The following PDE4B variants were observed in gnomAD, a reference collection of about 807,000 sequenced individuals.
PDE4B encodes the protein phosphodiesterase 4B.
Under a neutral mutation model 82.2 loss-of-function variants are expected in PDE4B, and 20 were observed. That is an observed-to-expected ratio of 0.24 (90% confidence interval 0.17 to 0.35). The LOEUF (loss-of-function observed/expected upper bound fraction) is 0.35, where lower values mean the gene tolerates loss of function less well. PDE4B is among the 10% of genes least tolerant of loss of function. PDE4B has a pLI of 1.00. For missense variants in PDE4B, 655 were observed against 907.2 expected, an observed-to-expected ratio of 0.72 and a Z score of 3.57; for synonymous variants, 320 against 318.9, an observed-to-expected ratio of 1.00 and a Z score of -0.04.
intron 3 of PDE4B, among the ~76,000 whole-genome samples, chr1:66,071,021 A>T (rs1441717692): frequency 6.6e-6 from 1 of 152,046 alleles, no homozygotes; most frequent in Admixed American, 6.6e-5. Flanking sequence ...CTCTTTCTTC[A>T]GAGTAAATTA....
chr1:66,144,671 C>T (rs1358518612), intron 3 of PDE4B, among the ~76,000 whole-genome samples: 1 of 152,070 alleles, frequency 6.6e-6, no homozygotes, highest in African/African-American at 2.4e-5. Context: ...GCAATTATTC[C>T]AAAAATCTGA....
chr1:65,939,811 C>T (rs1648346641), intron 3 of PDE4B, among the ~76,000 whole-genome samples: 1 of 152,098 alleles, frequency 6.6e-6, no homozygotes, highest in South Asian at 2.1e-4. Flanking sequence ...CAAGAAAGAT[C>T]CACTTACGCA....
At chr1:65,807,219 C>T (rs568106139) in intron 1 of PDE4B, among the ~76,000 whole-genome samples, 1 of 152,274 alleles carries the variant, frequency 6.6e-6, no homozygotes, top group Admixed American at 6.5e-5. Context: ...TGTCTAGAAG[C>T]AGTGGGAAAC....
At chr1:66,281,461 G>C (rs1046543413) in intron 7 of PDE4B, among the ~76,000 whole-genome samples, 1 of 152,204 alleles carries the variant, frequency 6.6e-6, no homozygotes, top group Non-Finnish European at 1.5e-5. Flanking sequence ...TCTGGGAGGT[G>C]ATTTGTTCTG....
chr1:66,028,244 G>T (rs756634680), intron 3 of PDE4B, among the ~76,000 whole-genome samples: 4 of 152,166 alleles, frequency 2.6e-5, no homozygotes, highest in Non-Finnish European at 5.9e-5. Flanking sequence ...CAAAGCTTGG[G>T]GATTCCACCC....
intron 1 of PDE4B, among the ~76,000 whole-genome samples, chr1:65,803,715 A>G (rs561211376): frequency 3.3e-5 from 5 of 152,222 alleles, no homozygotes; most frequent in African/African-American, 4.8e-5. Context: ...TCTTAAATCT[A>G]GAATGGAACT....
chr1:66,099,160 C>A (rs1344462224), intron 3 of PDE4B, among the ~76,000 whole-genome samples: 1 of 150,456 alleles, frequency 6.6e-6, no homozygotes, highest in Non-Finnish European at 1.5e-5. Context: ...TGTTCCCCCG[C>A]CCCCGTGTCC....
chr1:66,270,240 C>G (rs12031294), intron 7 of PDE4B, among the ~76,000 whole-genome samples: 4,839 of 152,268 alleles, frequency 0.032, 205 homozygotes, highest in East Asian at 0.23. Context: ...TCGTATGAGA[C>G]ATTTCTTTTA....
intron 3 of PDE4B, among the ~76,000 whole-genome samples, chr1:66,125,019 A>T (rs1380034352): frequency 6.7e-6 from 1 of 150,186 alleles, no homozygotes; most frequent in Non-Finnish European, 1.5e-5. Flanking sequence ...GACTCTGGTC[A>T]TCTGTGTGCT....
chr1:66,254,737 A>G (rs1654058798), intron 4 of PDE4B, among the ~76,000 whole-genome samples: 1 of 152,186 alleles, frequency 6.6e-6, no homozygotes, highest in Non-Finnish European at 1.5e-5. Flanking sequence ...ATTGAAAATT[A>G]TATTTCTTTA....
chr1:66,129,647 G>C lies in PDE4B; in HGVS notation c.282-117813G>C, dbSNP rs1482581030. On this transcript the variant is annotated intron_variant, in intron 3 of 16. Transcript: ENST00000341517. ...TGCACTCCAGCCTGGGCGACAGAGC[G>C]AGACTCCGTCTCAAAAAAAAAAAAA... is the stretch of plus-strand genomic sequence containing the variant. 5.6e-5 allele frequency among the ~76,000 whole-genome samples: 7 copies of C among 124,412 alleles called. No individual in the cohort carries two copies. In the Admixed American group the frequency reaches 6.3e-4, roughly 11 times the overall value. The allele number at this position is 124,412 out of a possible 152,430, so 81.6% of individuals were successfully genotyped here.
intron 7 of PDE4B, among the ~76,000 whole-genome samples, chr1:66,270,261 A>G (rs1027084645): frequency 2.6e-5 from 4 of 152,236 alleles, no homozygotes; most frequent in Admixed American, 2.0e-4. Context: ...ATATGTGTCT[A>G]GGCCATTCTG....
chr1:66,071,710 C>A (rs574481965), intron 3 of PDE4B, among the ~76,000 whole-genome samples: 1 of 152,086 alleles, frequency 6.6e-6, no homozygotes, highest in Non-Finnish European at 1.5e-5. Context: ...CTCCTGTGGA[C>A]AGCTTCCCTG....
At chr1:66,152,581 CAT>C (rs147320960) in intron 3 of PDE4B, 19,539 of 238,658 alleles carry the variant, frequency 0.082, 2,280 homozygotes, top group African/African-American at 0.3. Flanking sequence ...TAAGTGTGTG[CAT>C]ATATATGTGT....
intron 3 of PDE4B, among the ~76,000 whole-genome samples, chr1:66,212,455 GT>G (rs1417104261): frequency 1.3e-5 from 2 of 151,912 alleles, no homozygotes; most frequent in Non-Finnish European, 2.9e-5. Context: ...CTCTTCTAGC[GT>G]TTGCTTGAAT....
At chr1:65,849,710 GAA>G (rs141384108) in intron 1 of PDE4B, among the ~76,000 whole-genome samples, 2 of 151,392 alleles carry the variant, frequency 1.3e-5, no homozygotes, top group Admixed American at 1.3e-4. Context: ...TGCAGAAAAA[GAA>G]AAAAAACAAC....
chr1:65,806,990 T>C (rs1359630555), intron 1 of PDE4B, among the ~76,000 whole-genome samples: 1 of 152,264 alleles, frequency 6.6e-6, no homozygotes, highest in Non-Finnish European at 1.5e-5. Context: ...CATATTGTTC[T>C]GTGTATAGTT....
chr1:66,095,744 C>G (rs1645101674), intron 3 of PDE4B, among the ~76,000 whole-genome samples: 1 of 151,928 alleles, frequency 6.6e-6, no homozygotes. Flanking sequence ...AATCATCTCA[C>G]AGGGATTTGT....
At chr1:66,116,237 A>G (rs985978539) in intron 3 of PDE4B, among the ~76,000 whole-genome samples, 1 of 151,876 alleles carries the variant, frequency 6.6e-6, no homozygotes, top group African/African-American at 2.4e-5. Flanking sequence ...GGTCTCTCTC[A>G]TGTTTTAGGC....
Sources: allele counts gnomAD v4.1 joint callset (sites outside exome capture counted in the v4.1 genomes callset), GRCh38; gene constraint gnomAD v4.1.1; transcripts MANE v1.5; gene names NCBI Gene and HGNC (gene_info 2026-07-23, HGNC 2026-07-21).